PRR5L: variants seen among roughly 807,000 people sequenced by gnomAD.
PRR5L encodes proline rich 5 like.
A neutral mutation model predicts 36.4 loss-of-function variants in PRR5L; 21 were observed. The observed-to-expected ratio is 0.58, with a 90% confidence interval of 0.41 to 0.83. The LOEUF (loss-of-function observed/expected upper bound fraction) is 0.83. Ranked by LOEUF, PRR5L falls within the 40% of genes least tolerant of loss-of-function variation. PRR5L has a pLI of 0.00. For synonymous variants in PRR5L, 188 were observed against 197.0 expected (o/e 0.95, Z 0.38); for missense variants, 381 against 473.3 (o/e 0.80, Z 1.81).
chr11:36,348,246 G>A (rs565535321), intron 1 of PRR5L, among the ~76,000 whole-genome samples: 2 of 152,282 alleles, frequency 1.3e-5, no homozygotes, highest in Admixed American at 1.3e-4. Context: ...TAGCTTGGCT[G>A]CATGGCTTTC....
intron 1 of PRR5L, among the ~76,000 whole-genome samples, chr11:36,393,690 A>G (rs1017257261): frequency 7.2e-5 from 11 of 152,016 alleles, no homozygotes; most frequent in Non-Finnish European, 1.0e-4. Context: ...AAATTTTAGG[A>G]TGTTTTTTCT....
chr11:36,328,905 C>T (rs1239543140), intron 1 of PRR5L, among the ~76,000 whole-genome samples: 1 of 152,138 alleles, frequency 6.6e-6, no homozygotes, highest in Non-Finnish European at 1.5e-5. Context: ...TATTTAATTG[C>T]CCCATATTCC....
At chr11:36,313,557 T>G (rs1301840209) in intron 1 of PRR5L, among the ~76,000 whole-genome samples, 1 of 152,082 alleles carries the variant, frequency 6.6e-6, no homozygotes, top group African/African-American at 2.4e-5. Flanking sequence ...CAATGACAAA[T>G]GTAATGGGGA....
chr11:36,420,859 A>T (rs1185932450), intron 4 of PRR5L, among the ~76,000 whole-genome samples: 3 of 151,176 alleles, frequency 2.0e-5, no homozygotes, highest in Non-Finnish European at 4.4e-5. Context: ...ACACACACAC[A>T]CACACACACA....
chr11:36,335,130 A>G (rs1856756345), intron 1 of PRR5L, among the ~76,000 whole-genome samples: 2 of 151,986 alleles, frequency 1.3e-5, no homozygotes, highest in African/African-American at 4.8e-5. Flanking sequence ...TCTGTGGCCC[A>G]GGCTGGAGTG....
At chr11:36,319,205 T>G (rs751967782) in intron 1 of PRR5L, among the ~76,000 whole-genome samples, 16 of 152,196 alleles carry the variant, frequency 1.1e-4, no homozygotes, top group Non-Finnish European at 2.2e-4. Flanking sequence ...GAAAGGCTGA[T>G]TAGGACCAGT....
At chr11:36,304,553 C>T (rs1011395799) in intron 1 of PRR5L, among the ~76,000 whole-genome samples, 2 of 152,148 alleles carry the variant, frequency 1.3e-5, no homozygotes, top group Non-Finnish European at 2.9e-5. Context: ...CATGAATGGT[C>T]CTTCCTCATT....
At chr11:36,329,021 GT>G (rs1367909523) in intron 1 of PRR5L, 8 of 152,178 alleles carry the variant, frequency 5.3e-5, no homozygotes, top group African/African-American at 1.9e-4. Context: ...AAACCATCAG[GT>G]ATTTAATAAA....
At position 36,388,694 on chromosome 11, in the gene PRR5L, C is replaced by CTTTTTTTTT. The variant is rs1252535250; in HGVS notation, c.-125-12300_-125-12299insTTTTTTTTT. The stretch of plus-strand genomic sequence containing the variant: ...TTCTTTCATTCAAGGTCGGCTCTTT[C>CTTTTTTTTT]TTTCTTTTTTTTTTTTTTTTTTGAG... On this transcript the variant is annotated intron_variant, in intron 1 of 8. Transcript: ENST00000530639. Among the ~76,000 whole-genome samples the CTTTTTTTTT allele has an allele frequency of 3.1e-3, 349 of 112,758 alleles. 19 individuals are homozygous for CTTTTTTTTT. The highest frequency in any genetic ancestry group is 4.6e-3 in the Non-Finnish European group (269 of 58,074). 74.0% of individuals were successfully genotyped at this position (112,758 alleles called of 152,430 possible).
intron 3 of PRR5L, among the ~76,000 whole-genome samples, chr11:36,418,803 T>A (rs560456889): frequency 6.4e-4 from 97 of 152,038 alleles, no homozygotes; most frequent in Non-Finnish European, 1.1e-3. Context: ...CTCAAAAAAA[T>A]AATAATAATA....
chr11:36,376,612 C>G (rs1218868520), intron 1 of PRR5L: 10 of 991,368 alleles, frequency 1.0e-5, no homozygotes, highest in Non-Finnish European at 1.2e-5. Context: ...TCGGGAAGAC[C>G]GGAAACTTTT....
chr11:36,448,821 C>A lies in PRR5L; in HGVS notation c.585+2381C>A, dbSNP rs758908138. ...TACCATTATTTTTCCCATCTCACAGCTGAGATGGAGGTTCAGAGAAGGTGG... is the reference window on the plus strand; with the variant it reads ...TACCATTATTTTTCCCATCTCACAGATGAGATGGAGGTTCAGAGAAGGTGG... On this transcript the variant is annotated intron_variant, in intron 7 of 8. Transcript: ENST00000530639. Among the ~76,000 whole-genome samples, 55 of 152,190 alleles carry A rather than the reference C, an allele frequency of 3.6e-4. 2 individuals are homozygous for A. Among genetic ancestry groups the A allele is most frequent in the Admixed American group, 5.2e-4 (8 of 15,292 alleles).
intron 1 of PRR5L, among the ~76,000 whole-genome samples, chr11:36,351,296 T>TTA (rs373055432): frequency 2.5e-5 from 2 of 79,578 alleles, no homozygotes; most frequent in Non-Finnish European, 4.2e-5. Context: ...ATTTATATAT[T>TTA]TATATATATA....
At chr11:36,440,258 A>G (rs1161905418) in intron 6 of PRR5L, among the ~76,000 whole-genome samples, 1 of 152,128 alleles carries the variant, frequency 6.6e-6, no homozygotes, top group Non-Finnish European at 1.5e-5. Context: ...GGAGGAATTT[A>G]GATATTGAGA....
chr11:36,351,746 A>AT (rs1491133144), intron 1 of PRR5L, among the ~76,000 whole-genome samples: 18 of 73,514 alleles, frequency 2.4e-4, no homozygotes, highest in Non-Finnish European at 2.9e-4. Flanking sequence ...ATTTATATAT[A>AT]ATTTATATAT....
chr11:36,397,131 G>A (rs1277362002), intron 1 of PRR5L, among the ~76,000 whole-genome samples: 3 of 146,118 alleles, frequency 2.1e-5, no homozygotes, highest in Admixed American at 7.0e-5. Flanking sequence ...GCAGTGGCAC[G>A]ATCTTGGCTC....
intron 1 of PRR5L, among the ~76,000 whole-genome samples, chr11:36,391,844 T>C (rs605867): frequency 0.66 from 101,173 of 152,150 alleles, 33,827 homozygotes; most frequent in Non-Finnish European, 0.7. Context: ...TCCAATTATA[T>C]TCTTAGTTAT....
At chr11:36,351,105 A>ATATGTATTTTATATATAAATG (rs1565406852) in intron 1 of PRR5L, among the ~76,000 whole-genome samples, 2 of 110,370 alleles carry the variant, frequency 1.8e-5, no homozygotes, top group Non-Finnish European at 3.3e-5. Context: ...ATATATAAAT[A>ATATGTATTTTATATATAAATG]TATATTTATA....
intron 1 of PRR5L, among the ~76,000 whole-genome samples, chr11:36,356,788 C>A (rs1352923052): frequency 6.6e-6 from 1 of 152,092 alleles, no homozygotes; most frequent in Non-Finnish European, 1.5e-5. Flanking sequence ...AGTGGTTGTT[C>A]CCCTGACTCT....
Sources: gnomAD v4.1 joint callset for allele counts (sites outside exome capture counted in the v4.1 genomes callset) on GRCh38, gnomAD v4.1.1 for gene constraint, MANE v1.5 for transcripts, NCBI Gene and HGNC (gene_info 2026-07-23, HGNC 2026-07-21) for gene names.